Variants in CACNA1S observed in about 807,000 individuals in gnomAD.
The protein encoded by CACNA1S is voltage-dependent L-type calcium channel subunit alpha-1S.
CACNA1S carries 126 observed loss-of-function variants against 207.4 expected under a neutral mutation model. The observed-to-expected ratio is 0.61, with a 90% CI of 0.53 to 0.70. The LOEUF (loss-of-function observed/expected upper bound fraction) is 0.70. Ranked by LOEUF, CACNA1S falls within the 30% of genes least tolerant of loss-of-function variation. CACNA1S has a pLI of 0.00. For synonymous variants in CACNA1S, 960 were observed against 932.7 expected, an observed-to-expected ratio of 1.03 and a Z score of -0.53; for missense variants, 2,349 against 2,422.8, an observed-to-expected ratio of 0.97 and a Z score of 0.64.
chr1:201,062,035 G>T lies in CACNA1S; in HGVS notation c.2962C>A (p.Arg988Ser). 1 of 1,614,138 alleles carries T rather than the reference G, an allele frequency of 6.2e-7. No homozygotes were observed. The highest frequency in any genetic ancestry group is 1.1e-5 in the South Asian group (1 of 91,080). ...GDPMQIELRH[R>S]EWVHSDFHFD... Reference sequence around the variant, plus strand: ...TGGAAGTCGCTGTGTACCCACTCGCGGTGACGCAGCTCTATCTGCATGGGG... The same window carrying T: ...TGGAAGTCGCTGTGTACCCACTCGCTGTGACGCAGCTCTATCTGCATGGGG... The change falls in exon 24 of 44, where the codon CGC becomes AGC. Residue 988 changes from arginine to serine, a missense_variant. Coordinates refer to ENST00000362061, the MANE Select transcript of CACNA1S (RefSeq NM_000069.3).
rs1660625018 is a variant in CACNA1S, at chr1:201,050,912, G to GGGCA, written c.4113+68_4113+71dup. The stretch of plus-strand genomic sequence containing the variant: ...GGAGAGGTGGAAACTGGCCAGGAAG[G>GGGCA]GGCAGGCAGGCTCCCCCATGCCTCA... On this transcript the variant is annotated intron_variant, in intron 33 of 43. Transcript: ENST00000362061. 2.6e-6 allele frequency: 4 copies of GGGCA among 1,510,132 alleles called. No homozygotes were observed. In the African/African-American group the frequency reaches 5.5e-5, roughly 21 times the overall value. 93.5% of individuals were successfully genotyped at this position (1,510,132 alleles called of 1,614,324 possible).
chr1:201,059,253 T>C lies in CACNA1S; in HGVS notation c.3461A>G (p.Asn1154Ser). The C allele has an allele frequency of 1.2e-6, 2 of 1,613,994 alleles. No individual in the cohort carries two copies. The highest frequency in any genetic ancestry group is 1.7e-6 in the Non-Finnish European group (2 of 1,179,906). ...GGTGAAGATGATAGTGAAGGCCACATTGAGGATGTCTGAGATGTGGTTCAT... is the reference window on the plus strand; with the variant it reads ...GGTGAAGATGATAGTGAAGGCCACACTGAGGATGTCTGAGATGTGGTTCAT... The part of the protein sequence containing the change: ...EQMNHISDIL[N>S]VAFTIIFTLE... Residue 1154 changes from asparagine to serine, a missense_variant, in exon 27 of 44, where the codon AAT (asparagine) becomes AGT (serine). Coordinates refer to ENST00000362061, the MANE Select transcript of CACNA1S (RefSeq NM_000069.3).
At chr1:201,055,312 C>A (rs958387347) in intron 28 of CACNA1S, among the ~76,000 whole-genome samples, 1 of 152,210 alleles carries the variant, frequency 6.6e-6, no homozygotes, top group Non-Finnish European at 1.5e-5. Context: ...GGCAGATTTT[C>A]CCTGGACCAC....
intron 2 of CACNA1S, among the ~76,000 whole-genome samples, chr1:201,106,979 C>T (rs1449857410): frequency 6.6e-6 from 1 of 152,218 alleles, no homozygotes; most frequent in Non-Finnish European, 1.5e-5. Context: ...AGACACGGCC[C>T]TTCCCATTCT....
intron 39 of CACNA1S, 95 bp downstream of exon 39, chr1:201,044,233 C>T (rs1269620526): frequency 1.3e-6 from 2 of 1,513,148 alleles, no homozygotes; most frequent in Admixed American, 1.7e-5. Context: ...TCCCATGTCC[C>T]CCTCTCGTGT....
At position 201,057,307 on chromosome 1, in the gene CACNA1S, G is replaced by A. The variant is rs531379254; in HGVS notation, c.3609+1101C>T. Reference sequence around the variant, plus strand: ...GGCCTTTGCACTGCTGTCGTGTTCTGCCAACACTCTGGCCCCCGTTCTGGC... The same window carrying A: ...GGCCTTTGCACTGCTGTCGTGTTCTACCAACACTCTGGCCCCCGTTCTGGC... On this transcript the variant is annotated intron_variant, in intron 28 of 43. Transcript: ENST00000362061. Among the ~76,000 whole-genome samples the A allele has an allele frequency of 8.9e-4, 136 of 152,312 alleles. 1 individual carries two copies. The highest frequency in any genetic ancestry group is 2.7e-3 in the South Asian group (13 of 4,832).
At chr1:201,062,162 C>A (rs1661074317) in intron 23 of CACNA1S, 72 bp from the exon 24 acceptor site, 1 of 1,557,290 alleles carries the variant, frequency 6.4e-7, no homozygotes, top group African/African-American at 1.4e-5. Flanking sequence ...TCCTCTGGGC[C>A]CTGGGTGGGG....
At chr1:201,054,958 C>T (rs1660786033) in intron 28 of CACNA1S, among the ~76,000 whole-genome samples, 1 of 152,186 alleles carries the variant, frequency 6.6e-6, no homozygotes, top group African/African-American at 2.4e-5. Flanking sequence ...AATGGATTCA[C>T]ATCCATAGTG....
chr1:201,053,394 G>A lies in CACNA1S; in HGVS notation c.3795+65C>T. 6.2e-7 allele frequency: 1 copy of A among 1,613,352 alleles called. No homozygotes were observed. The highest frequency in any genetic ancestry group is 8.5e-7 in the Non-Finnish European group (1 of 1,179,360). On this transcript the variant is annotated intron_variant, in intron 30 of 43. Coordinates refer to ENST00000362061, the MANE Select transcript of CACNA1S (RefSeq NM_000069.3). This position sits in a 1 kb window ranked among gnomAD's most constrained non-coding sequence, Gnocchi z 5.1. ...CCAGGGCTCCCCTGGGGCCCACCCT[G>A]GGCTGAGGCAGATGTCCCTAGTGGC...
intron 38 of CACNA1S, 48 bp from the exon 39 acceptor site, chr1:201,044,504 G>T (rs369034186): frequency 2.5e-6 from 4 of 1,600,800 alleles, no homozygotes; most frequent in African/African-American, 2.7e-5. Context: ...CAGGAGAGGA[G>T]ACCAGAACCA....
chr1:201,044,288 G>A, intron 39 of CACNA1S, 40 bp downstream of exon 39: 2 of 1,610,740 alleles, frequency 1.2e-6, no homozygotes, highest in Non-Finnish European at 1.7e-6. Flanking sequence ...TGCCACTCAT[G>A]GTGTCTAGAC....
intron 28 of CACNA1S, among the ~76,000 whole-genome samples, chr1:201,057,672 G>T (rs754194539): frequency 4.6e-5 from 7 of 152,230 alleles, no homozygotes; most frequent in Non-Finnish European, 8.8e-5. Context: ...TAGAAGCAGG[G>T]CTCTAAGGGC....
At chr1:201,111,919 T>TCCC in intron 1 of CACNA1S, among the ~76,000 whole-genome samples, 1 of 45,286 alleles carries the variant, frequency 2.2e-5, no homozygotes, top group Non-Finnish European at 4.7e-5. Flanking sequence ...CTCTTCCTCT[T>TCCC]CCTCCTCCTC....
At chr1:201,083,385 C>T (rs1410663462) in intron 9 of CACNA1S, 63 bp from the exon 10 acceptor site, 6 of 1,569,588 alleles carry the variant, frequency 3.8e-6, no homozygotes, top group Non-Finnish European at 8.8e-7. Context: ...CCTGTCCAAG[C>T]TACCTTCAGA....
chr1:201,069,585 G>T lies in CACNA1S; in HGVS notation c.2377C>A (p.His793Asn). The T allele has an allele frequency of 6.4e-7, 1 of 1,557,128 alleles. No homozygotes were observed. The highest frequency in any genetic ancestry group is 1.2e-5 in the South Asian group (1 of 84,408). The stretch of plus-strand genomic sequence containing the variant: ...AACCAGGTGGCATTGACGATGCGGT[G>T]ACACAGGACACGGATCCTGGTGGGG... ...SPTNKIRVLC[H>N]RIVNATWFTN... is the part of the protein sequence containing the mutation. Residue 793 changes from histidine (H) to asparagine (N), a missense_variant, in exon 18 of 44, where the codon CAC becomes AAC. Physicochemically the swap from His to Asn is moderately conservative, Grantham distance 68. Coordinates refer to ENST00000362061, the MANE Select transcript of CACNA1S (RefSeq NM_000069.3).
In CACNA1S at chr1:201,062,414, A is replaced by ATGCTCCCTGCCCCGTGACCGTCCCACTG. The variant is rs758635311; in HGVS notation, c.2906+20_2906+47dup. The ATGCTCCCTGCCCCGTGACCGTCCCACTG allele has an allele frequency of 4.5e-6, 7 of 1,565,300 alleles. 1 individual carries two copies. The South Asian group carries it at 7.8e-5, about 17-fold the overall frequency. On this transcript the variant is annotated intron_variant, in intron 23 of 43. Coordinates refer to ENST00000362061, the MANE Select transcript of CACNA1S (RefSeq NM_000069.3). ...CTCCCTGCCCCGTGACTGTCCCACC[A>ATGCTCCCTGCCCCGTGACCGTCCCACTG]TGCTCCCTGCCCCGTGACCGTCCCA...
rs1662325833 is a variant in CACNA1S, at chr1:201,093,954, C to G, written c.326G>C (p.Gly109Ala). 6.2e-7 allele frequency: 1 copy of G among 1,614,052 alleles called. No homozygotes were observed. Among genetic ancestry groups the G allele is most frequent in the Non-Finnish European group, 8.5e-7 (1 of 1,180,038 alleles). Reference protein sequence around the residue: ...IEAAMKIIAYGFLFHQDAYLR... With the variant: ...IEAAMKIIAYAFLFHQDAYLR... ...GTAAGCGTCCTGGTGGAATAAGAAG[C>G]CGTAGGCAATGATCTTCATGGCGGC... Residue 109 changes from glycine to alanine, a missense_variant, in exon 3 of 44, where the codon GGC becomes GCC. Coordinates refer to ENST00000362061, the MANE Select transcript of CACNA1S (RefSeq NM_000069.3).
chr1:201,079,119 C>CA (rs149794288), intron 10 of CACNA1S, among the ~76,000 whole-genome samples: 57,454 of 123,066 alleles, frequency 0.47, 15,337 homozygotes, highest in South Asian at 0.77. Context: ...GACTCCATCT[C>CA]AAAAAAAAAA....
chr1:201,063,695 A>G (rs1483597279), intron 22 of CACNA1S, among the ~76,000 whole-genome samples: 1 of 152,214 alleles, frequency 6.6e-6, no homozygotes, highest in East Asian at 1.9e-4. Context: ...AGGACACAGC[A>G]CTAGTTGAAG....
Sources: allele counts gnomAD v4.1 joint callset (sites outside exome capture counted in the v4.1 genomes callset), GRCh38; gene constraint gnomAD v4.1.1; non-coding constraint Gnocchi (gnomAD v3.1); transcripts MANE v1.5; gene names NCBI Gene and HGNC (gene_info 2026-07-23, HGNC 2026-07-21).